CNTN5: variants seen among roughly 807,000 people sequenced by gnomAD.
The protein encoded by CNTN5 is contactin-5.
Under a neutral mutation model 129.1 loss-of-function variants are expected in CNTN5, and 77 were observed. That is an observed-to-expected ratio of 0.60 (90% CI 0.50 to 0.72). CNTN5 has a LOEUF of 0.72. Among genes scored for constraint, CNTN5 ranks in the 30% least tolerant of loss-of-function variants. The pLI is 0.00. For missense variants in CNTN5, 1,478 were observed against 1,328.8 expected, an observed-to-expected ratio of 1.11 and a Z score of -1.75; for synonymous variants, 509 against 465.6, an observed-to-expected ratio of 1.09 and a Z score of -1.20.
intron 2 of CNTN5, among the ~76,000 whole-genome samples, chr11:99,331,695 C>A (rs1866006224): frequency 6.6e-6 from 1 of 152,024 alleles, no homozygotes; most frequent in South Asian, 2.1e-4. Flanking sequence ...TAGTAAATTG[C>A]AATGTTGTAT....
rs1294059665 is a variant in CNTN5, at chr11:100,255,896, G to T, written c.2142G>T (p.Leu714=). The stretch of plus-strand genomic sequence containing the variant: ...TTCAAGCTCGCAGCCCATTTTCCCT[G>T]GGCTGGCAAACAGTAAAGACAGGTA... ...YNLQARSPFS[L]GWQTVKTVPE... Residue 714 remains leucine, a synonymous_variant, in exon 17 of 25, where the codon CTG becomes CTT. Coordinates refer to ENST00000524871, the MANE Select transcript of CNTN5 (RefSeq NM_014361.4). 6.2e-7 allele frequency: 1 copy of T among 1,613,810 alleles called. No individual in the cohort carries two copies. The highest frequency in any genetic ancestry group is 1.7e-5 in the Admixed American group (1 of 60,000).
At chr11:100,339,554 C>T (rs1479978086) in intron 21 of CNTN5, among the ~76,000 whole-genome samples, 1 of 152,038 alleles carries the variant, frequency 6.6e-6, no homozygotes, top group Non-Finnish European at 1.5e-5. Flanking sequence ...TCAGAAAGAA[C>T]AAATAAGGAG....
At chr11:99,728,279 G>A (rs1943419332) in intron 3 of CNTN5, among the ~76,000 whole-genome samples, 1 of 152,186 alleles carries the variant, frequency 6.6e-6, no homozygotes, top group African/African-American at 2.4e-5. Flanking sequence ...ATATTTGTGA[G>A]TGACTTGAGG....
At chr11:99,120,675 A>G (rs532185127) in intron 1 of CNTN5, among the ~76,000 whole-genome samples, 47 of 152,318 alleles carry the variant, frequency 3.1e-4, no homozygotes, top group African/African-American at 1.1e-3. Flanking sequence ...CATAGGTATA[A>G]ACCTTTAATC....
chr11:99,834,345 A>G (rs1947236831), intron 4 of CNTN5, among the ~76,000 whole-genome samples: 1 of 152,120 alleles, frequency 6.6e-6, no homozygotes. Flanking sequence ...GAAAACTTAC[A>G]TATTGAAAAT....
chr11:99,318,490 T>G (rs1865436561), intron 1 of CNTN5, among the ~76,000 whole-genome samples: 1 of 152,126 alleles, frequency 6.6e-6, no homozygotes, highest in Non-Finnish European at 1.5e-5. Context: ...TAAAGATAAA[T>G]TGATTTAATG....
At chr11:99,601,343 C>T (rs1276105792) in intron 3 of CNTN5, among the ~76,000 whole-genome samples, 1 of 152,124 alleles carries the variant, frequency 6.6e-6, no homozygotes, top group Non-Finnish European at 1.5e-5. Context: ...TGTTTTCTTT[C>T]CTTCGGGCTG....
At chr11:100,170,007 A>G (rs951580381) in intron 13 of CNTN5, among the ~76,000 whole-genome samples, 2 of 151,894 alleles carry the variant, frequency 1.3e-5, no homozygotes, top group African/African-American at 4.8e-5. Flanking sequence ...GCTTACTGTT[A>G]CTGTATGAAA....
At chr11:99,899,693 T>C (rs896436907) in intron 6 of CNTN5, among the ~76,000 whole-genome samples, 4 of 152,052 alleles carry the variant, frequency 2.6e-5, no homozygotes, top group African/African-American at 7.2e-5. Flanking sequence ...TCCTTTTTTA[T>C]TGTCATTTTG....
At chr11:100,194,383 C>T (rs114210865) in intron 15 of CNTN5, among the ~76,000 whole-genome samples, 113 of 151,886 alleles carry the variant, frequency 7.4e-4, no homozygotes, top group African/African-American at 2.6e-3. Flanking sequence ...AGAAAAAGAG[C>T]GACTTTGGCT....
intron 1 of CNTN5, among the ~76,000 whole-genome samples, chr11:99,114,577 T>G (rs1280639838): frequency 6.6e-6 from 1 of 152,142 alleles, no homozygotes; most frequent in African/African-American, 2.4e-5. Context: ...AGTATCATTT[T>G]TATTCCTAAA....
chr11:99,697,317 G>A (rs74459432), intron 3 of CNTN5, among the ~76,000 whole-genome samples: 2 of 150,702 alleles, frequency 1.3e-5, no homozygotes, highest in African/African-American at 4.9e-5. Context: ...AAAAGAGGGG[G>A]AGAGAGAGAG....
At chr11:99,299,043 C>T (rs1300068194) in intron 1 of CNTN5, among the ~76,000 whole-genome samples, 2 of 152,150 alleles carry the variant, frequency 1.3e-5, no homozygotes, top group Admixed American at 6.5e-5. Context: ...ATAAACCTGT[C>T]TTTGAATTGT....
chr11:99,070,696 T>A (rs1249037898), intron 1 of CNTN5, among the ~76,000 whole-genome samples: 1 of 151,004 alleles, frequency 6.6e-6, no homozygotes, highest in Non-Finnish European at 1.5e-5. Flanking sequence ...ATTTTACAGA[T>A]CAAGGTATAC....
intron 3 of CNTN5, among the ~76,000 whole-genome samples, chr11:99,622,223 C>T (rs74468668): frequency 0.011 from 1,642 of 152,130 alleles, 34 homozygotes; most frequent in African/African-American, 0.036. Flanking sequence ...TGACTGTTCC[C>T]CTAATTTTGT....
intron 9 of CNTN5, among the ~76,000 whole-genome samples, chr11:100,048,656 G>C (rs1942809154): frequency 6.6e-6 from 1 of 151,832 alleles, no homozygotes; most frequent in African/African-American, 2.4e-5. Flanking sequence ...ATTACAAACT[G>C]TAAAATATAC....
chr11:100,237,113 C>T (rs1303880631), intron 16 of CNTN5, among the ~76,000 whole-genome samples: 1 of 147,098 alleles, frequency 6.8e-6, no homozygotes, highest in Non-Finnish European at 1.5e-5. Flanking sequence ...GGCGTGAACC[C>T]GGGAGGCAGA....
At chr11:100,055,310 G>A (rs1055115255) in intron 9 of CNTN5, among the ~76,000 whole-genome samples, 4 of 150,990 alleles carry the variant, frequency 2.6e-5, no homozygotes, top group Non-Finnish European at 5.9e-5. Context: ...TGCTCTTTTT[G>A]ATCAGTATTT....
chr11:100,043,403 A>G (rs1942480523), intron 9 of CNTN5, among the ~76,000 whole-genome samples: 1 of 152,186 alleles, frequency 6.6e-6, no homozygotes, highest in East Asian at 1.9e-4. Flanking sequence ...ATAATTTTAT[A>G]TTCCAAAGCT....
Sources: gnomAD v4.1 joint callset for allele counts (sites outside exome capture counted in the v4.1 genomes callset) on GRCh38, gnomAD v4.1.1 for gene constraint, MANE v1.5 for transcripts, NCBI Gene and HGNC (gene_info 2026-07-23, HGNC 2026-07-21) for gene names.